Variants in PPP1R12B observed in about 807,000 individuals in gnomAD.
PPP1R12B encodes protein phosphatase 1 regulatory subunit 12B, also known as myosin phosphatase target subunit 2.
Under a neutral mutation model 126.1 loss-of-function variants are expected in PPP1R12B, and 76 were observed. That is an observed-to-expected ratio of 0.60 (90% CI 0.50 to 0.73). The LOEUF is 0.73. PPP1R12B is among the 30% of genes least tolerant of loss of function. The pLI, the probability that PPP1R12B is intolerant of heterozygous loss-of-function variation, is 0.00. For synonymous variants in PPP1R12B, 356 were observed against 434.7 expected, an observed-to-expected ratio of 0.82 and a Z score of 2.25; for missense variants, 1,052 against 1,205.1, an observed-to-expected ratio of 0.87 and a Z score of 1.88.
At chr1:202,349,824 A>G (rs1558112061) in intron 1 of PPP1R12B, among the ~76,000 whole-genome samples, 1 of 150,448 alleles carries the variant, frequency 6.6e-6, no homozygotes, top group Non-Finnish European at 1.5e-5. Context: ...CTATTTTTCT[A>G]TTTTTTTTTC....
chr1:202,504,896 A>C (rs754139063), intron 18 of PPP1R12B, among the ~76,000 whole-genome samples: 2 of 152,374 alleles, frequency 1.3e-5, no homozygotes, highest in African/African-American at 4.8e-5. Context: ...GAGCTAATAC[A>C]TTTAAATAGA....
chr1:202,356,996 A>G (rs986165418), intron 1 of PPP1R12B, among the ~76,000 whole-genome samples: 12 of 151,740 alleles, frequency 7.9e-5, no homozygotes, highest in African/African-American at 2.9e-4. Flanking sequence ...TAATTTTTGT[A>G]TTTTTAGTAG....
chr1:202,445,963 G>T (rs956522919), intron 12 of PPP1R12B, among the ~76,000 whole-genome samples: 2 of 151,896 alleles, frequency 1.3e-5, no homozygotes, highest in African/African-American at 4.8e-5. Context: ...TGATAGTGTT[G>T]TTGCAGGAAC....
intron 1 of PPP1R12B, among the ~76,000 whole-genome samples, chr1:202,413,415 C>T (rs1667655649): frequency 6.6e-6 from 1 of 152,100 alleles, no homozygotes. Flanking sequence ...CAAGGGCCCT[C>T]TAGAGTTCTA....
intron 13 of PPP1R12B, among the ~76,000 whole-genome samples, chr1:202,485,032 C>T (rs1053905334): frequency 1.3e-5 from 2 of 152,158 alleles, no homozygotes; most frequent in East Asian, 1.9e-4. Context: ...GATGGAACCA[C>T]GGTAGAACTG....
intron 1 of PPP1R12B, among the ~76,000 whole-genome samples, chr1:202,397,542 A>G (rs1665166687): frequency 6.6e-6 from 1 of 152,140 alleles, no homozygotes; most frequent in Admixed American, 6.6e-5. Context: ...ATATTCCTCA[A>G]CCTTTCCCTT....
At chr1:202,509,629 G>A (rs1290194630) in intron 18 of PPP1R12B, among the ~76,000 whole-genome samples, 2 of 152,200 alleles carry the variant, frequency 1.3e-5, no homozygotes, top group Non-Finnish European at 2.9e-5. Context: ...AAGAGTGCCT[G>A]TCAGAAGATT....
intron 13 of PPP1R12B, among the ~76,000 whole-genome samples, chr1:202,484,979 G>A (rs944303333): frequency 3.3e-5 from 5 of 152,218 alleles, no homozygotes; most frequent in Non-Finnish European, 7.3e-5. Context: ...GCACAGTGGT[G>A]TGTGGCCACA....
At chr1:202,373,348 T>G (rs1245721975) in intron 1 of PPP1R12B, among the ~76,000 whole-genome samples, 1 of 152,212 alleles carries the variant, frequency 6.6e-6, no homozygotes, top group Non-Finnish European at 1.5e-5. Flanking sequence ...ATTTGAGAAT[T>G]TTGTTGCTTC....
In PPP1R12B at chr1:202,416,751, T is replaced by C. The variant is rs148731622; in HGVS notation, c.292-36T>C. ...CTGGCACATAGTGGAACTCAATGAA[T>C]ACTTGTTGAATGAATGAATGGACTT... On this transcript the variant is annotated intron_variant, in intron 1 of 23. Coordinates refer to ENST00000608999, the MANE Select transcript of PPP1R12B (RefSeq NM_002481.4). 225 of 1,601,414 alleles carry C rather than the reference T, an allele frequency of 1.4e-4. 1 individual carries two copies. In the African/African-American group the frequency reaches 2.5e-3, roughly 18 times the overall value.
Position 202,461,088 on chromosome 1 carries a change from G to A in PPP1R12B, c.1850+11917G>A, listed in dbSNP as rs530719102. Among the ~76,000 whole-genome samples, 4 of 152,046 alleles carry A rather than the reference G, an allele frequency of 2.6e-5. No homozygotes were observed. In the East Asian group the frequency reaches 7.7e-4, roughly 29 times the overall value. Reference sequence around the variant, plus strand: ...GTTCCAGTTCAAATGGGGCATGGTGGCTGACACCTGTAATCCCAGCTACTT... The same window carrying A: ...GTTCCAGTTCAAATGGGGCATGGTGACTGACACCTGTAATCCCAGCTACTT... On this transcript the variant is annotated intron_variant, in intron 13 of 23. Transcript: ENST00000608999.
At chr1:202,566,906 C>T (rs185099378) in intron 21 of PPP1R12B, among the ~76,000 whole-genome samples, 2 of 152,070 alleles carry the variant, frequency 1.3e-5, no homozygotes, top group African/African-American at 4.8e-5. Flanking sequence ...AAAATAATCA[C>T]CCAGCAGTTA....
chr1:202,423,706 C>T (rs1266913614), intron 3 of PPP1R12B, among the ~76,000 whole-genome samples: 2 of 152,116 alleles, frequency 1.3e-5, no homozygotes, highest in African/African-American at 2.4e-5. Context: ...GTTTTTGAGA[C>T]AGGGTCTCAC....
rs190839352 is a variant in PPP1R12B, at chr1:202,472,090, G to A, written c.1851-16443G>A. 408 of 1,580,020 alleles carry A rather than the reference G, an allele frequency of 2.6e-4. 2 individuals are homozygous for A. The highest frequency in any genetic ancestry group is 1.5e-3 in the Middle Eastern group (7 of 4,570). Reference sequence around the variant, plus strand: ...TTCCTCTTCTCCTCTTCTGGAGAGGGATGAAGGAGATCCTTTGTGAGAGGC... The same window carrying A: ...TTCCTCTTCTCCTCTTCTGGAGAGGAATGAAGGAGATCCTTTGTGAGAGGC... On this transcript the variant is annotated intron_variant, in intron 13 of 23. Transcript: ENST00000608999.
chr1:202,353,424 A>G (rs886757489), intron 1 of PPP1R12B, among the ~76,000 whole-genome samples: 2 of 151,854 alleles, frequency 1.3e-5, no homozygotes, highest in African/African-American at 4.8e-5. Context: ...CCATTTTAGT[A>G]GCTTACCTCT....
Position 202,588,533 on chromosome 1 carries a change from T to C in PPP1R12B, c.*7973T>C, listed in dbSNP as rs1689960783. 6.6e-6 allele frequency: 1 copy of C among 152,644 alleles called. No homozygotes were observed. The highest frequency in any genetic ancestry group is 1.5e-5 in the Non-Finnish European group (1 of 68,044). The allele number at this position is 152,644 out of a possible 1,614,324, so 9.5% of individuals were successfully genotyped here. ...TATGATGCCTGTAAACACAACAGTA[T>C]TTATAAATGAGTAAATAAAACTGTG... On this transcript the variant is annotated 3_prime_UTR_variant, in exon 24 of 24. Transcript: ENST00000608999.
At chr1:202,360,969 C>T (rs574506619) in intron 1 of PPP1R12B, among the ~76,000 whole-genome samples, 1 of 150,602 alleles carries the variant, frequency 6.6e-6, no homozygotes, top group South Asian at 2.1e-4. Context: ...CGGCTCACTG[C>T]AAGCTCCACC....
chr1:202,388,047 A>C (rs982889459), intron 1 of PPP1R12B, among the ~76,000 whole-genome samples: 3 of 152,062 alleles, frequency 2.0e-5, no homozygotes, highest in African/African-American at 7.2e-5. Context: ...AGTTTTTCAA[A>C]CCATCATTTG....
intron 9 of PPP1R12B, 29 bp downstream of exon 9, chr1:202,434,797 T>TA (rs1212943195): frequency 6.2e-7 from 1 of 1,611,392 alleles, no homozygotes; most frequent in East Asian, 2.2e-5. Flanking sequence ...ATTTGGGAAT[T>TA]AGATTTCACC....
Sources: allele counts gnomAD v4.1 joint callset (sites outside exome capture counted in the v4.1 genomes callset), GRCh38; gene constraint gnomAD v4.1.1; transcripts MANE v1.5; gene names NCBI Gene and HGNC (gene_info 2026-07-23, HGNC 2026-07-21).